DLC1: variants seen among roughly 807,000 people sequenced by gnomAD.
The protein encoded by DLC1 is rho GTPase-activating protein 7.
A neutral mutation model predicts 140.3 loss-of-function variants in DLC1; 54 were observed. That is an observed-to-expected ratio of 0.38 (90% CI 0.31 to 0.48). DLC1 has a LOEUF of 0.48. DLC1 is among the 20% of genes least tolerant of loss of function. DLC1 has a pLI of 0.96. For synonymous variants in DLC1, 986 were observed against 728.1 expected (o/e 1.35, Z -5.70); for missense variants, 2,536 against 1,907.0 (o/e 1.33, Z -6.14).
At chr8:13,345,544 A>G (rs1221267645) in intron 4 of DLC1, among the ~76,000 whole-genome samples, 1 of 56,276 alleles carries the variant, frequency 1.8e-5, no homozygotes, top group African/African-American at 6.8e-5. Flanking sequence ...TTTTTCACTC[A>G]CACTTTTTTT....
chr8:13,294,079 TG>T (rs1171118710), intron 5 of DLC1, among the ~76,000 whole-genome samples: 2 of 152,202 alleles, frequency 1.3e-5, no homozygotes, highest in Non-Finnish European at 2.9e-5. Flanking sequence ...AGTTTCACTA[TG>T]CGGAAAACCC....
At chr8:13,488,479 T>TA (rs1214533801) in intron 2 of DLC1, among the ~76,000 whole-genome samples, 2 of 152,146 alleles carry the variant, frequency 1.3e-5, no homozygotes, top group Non-Finnish European at 2.9e-5. Context: ...ATTACGTAGC[T>TA]AAAAAATAGA....
chr8:13,426,134 T>A (rs552517725), intron 2 of DLC1, among the ~76,000 whole-genome samples: 1 of 151,888 alleles, frequency 6.6e-6, no homozygotes, highest in Non-Finnish European at 1.5e-5. Flanking sequence ...TATTATTATT[T>A]TGGCAAGGAA....
chr8:13,390,421 G>T (rs554954625), intron 4 of DLC1, among the ~76,000 whole-genome samples: 1 of 152,266 alleles, frequency 6.6e-6, no homozygotes, highest in East Asian at 1.9e-4. Context: ...AGTGCTTTAA[G>T]TGCTTTAATA....
chr8:13,567,186 A>C, intron 1 of DLC1: 1 of 1,551,854 alleles, frequency 6.4e-7, no homozygotes, highest in Non-Finnish European at 8.7e-7. Flanking sequence ...CAAGCTTGGA[A>C]CAAGGAGACA....
chr8:13,218,918 TTATA>T lies in DLC1; in HGVS notation c.1348+86347_1348+86350del, dbSNP rs1451808758. 2.2e-3 allele frequency among the ~76,000 whole-genome samples: 101 copies of T among 45,090 alleles called. 2 individuals are homozygous for T. Among genetic ancestry groups the T allele is most frequent in the African/African-American group, 0.013 (100 of 7,464 alleles). The allele number at this position is 45,090 out of a possible 152,430, so 29.6% of individuals were successfully genotyped here. On this transcript the variant is annotated intron_variant, in intron 5 of 17. Transcript: ENST00000276297. ...TATATAATTACATACGAATATATAA[TTATA>T]TAATTACGTACGAATATGATTATAT...
At chr8:13,401,391 G>T in intron 3 of DLC1, 79 bp downstream of exon 3, 1 of 1,534,302 alleles carries the variant, frequency 6.5e-7, no homozygotes, top group Non-Finnish European at 8.8e-7. Flanking sequence ...TAACAAGGAT[G>T]TTGCCTTTGC....
chr8:13,309,680 C>G (rs200837768), intron 4 of DLC1, among the ~76,000 whole-genome samples: 8 of 152,128 alleles, frequency 5.3e-5, no homozygotes, highest in Admixed American at 4.6e-4. Flanking sequence ...TATGTTGATT[C>G]TTTTGGTCTG....
chr8:13,328,679 A>G (rs1347812862), intron 4 of DLC1, among the ~76,000 whole-genome samples: 1 of 152,084 alleles, frequency 6.6e-6, no homozygotes, highest in Admixed American at 6.6e-5. Flanking sequence ...ATATTTTGAG[A>G]CTTTGACATG....
At chr8:13,327,864 C>T (rs1833436242) in intron 4 of DLC1, among the ~76,000 whole-genome samples, 1 of 152,146 alleles carries the variant, frequency 6.6e-6, no homozygotes, top group Admixed American at 6.5e-5. Context: ...AAGAAAAGTT[C>T]AGAGAGGGTA....
At chr8:13,492,837 T>A (rs1801323500) in intron 2 of DLC1, among the ~76,000 whole-genome samples, 1 of 152,368 alleles carries the variant, frequency 6.6e-6, no homozygotes, top group Middle Eastern at 3.4e-3. Flanking sequence ...CATGAGACGA[T>A]ATATTTGAGC....
chr8:13,091,518 G>C (rs1470611089), intron 13 of DLC1, 86 bp from the exon 14 acceptor site: 3 of 1,251,446 alleles, frequency 2.4e-6, no homozygotes, highest in Admixed American at 2.6e-5. Context: ...CCAAAGAAGA[G>C]AGAAAAAAAA....
intron 5 of DLC1, among the ~76,000 whole-genome samples, chr8:13,283,951 CA>C (rs950380882): frequency 3.3e-5 from 5 of 152,116 alleles, no homozygotes; most frequent in African/African-American, 1.2e-4. Flanking sequence ...TTTGGCTGAA[CA>C]CGGATTGCCA....
chr8:13,166,906 CT>C (rs1372786471), intron 5 of DLC1, among the ~76,000 whole-genome samples: 1 of 152,066 alleles, frequency 6.6e-6, no homozygotes, highest in African/African-American at 2.4e-5. Context: ...GAGAAAATAC[CT>C]TATTTTTTTG....
At chr8:13,171,785 A>T (rs768633303) in intron 5 of DLC1, among the ~76,000 whole-genome samples, 4 of 152,226 alleles carry the variant, frequency 2.6e-5, no homozygotes, top group Admixed American at 6.5e-5. Flanking sequence ...CGGAGGGTAT[A>T]GCTAGAGTAC....
Position 13,259,422 on chromosome 8 carries a change from C to A in DLC1, c.1348+45847G>T, listed in dbSNP as rs149100796. On this transcript the variant is annotated intron_variant, in intron 5 of 17. Coordinates refer to ENST00000276297, the MANE Select transcript of DLC1 (RefSeq NM_182643.3). ...AAAACACCCGGACAGAGTGCTAAGG[C>A]TCCCTTAGGGCCTTGGAAGAGTCAA... 7.2e-5 allele frequency among the ~76,000 whole-genome samples: 11 copies of A among 152,312 alleles called. No individual in the cohort carries two copies. In the East Asian group the frequency reaches 2.1e-3, roughly 29 times the overall value.
chr8:13,401,680 G>A (rs947671093), intron 2 of DLC1, 61 bp from the exon 3 acceptor site: 13 of 1,562,314 alleles, frequency 8.3e-6, no homozygotes, highest in Non-Finnish European at 1.0e-5. Flanking sequence ...AGAATAAAAA[G>A]TTCCCTGTTC....
intron 10 of DLC1, 22 bp from the exon 11 acceptor site, chr8:13,095,267 G>A: frequency 6.2e-7 from 1 of 1,614,096 alleles, no homozygotes; most frequent in Non-Finnish European, 8.5e-7. Flanking sequence ...CACAGAGATG[G>A]TGGTGTTGGC....
intron 4 of DLC1, among the ~76,000 whole-genome samples, chr8:13,367,966 T>C (rs752112218): frequency 7.2e-5 from 11 of 152,128 alleles, no homozygotes; most frequent in Non-Finnish European, 1.5e-4. Flanking sequence ...TGACCAATAA[T>C]TGTGTGGGGT....
Sources: gnomAD v4.1 joint callset for allele counts (sites outside exome capture counted in the v4.1 genomes callset) on GRCh38, gnomAD v4.1.1 for gene constraint, MANE v1.5 for transcripts, NCBI Gene and HGNC (gene_info 2026-07-23, HGNC 2026-07-21) for gene names.